The following GABRG3 variants were observed in gnomAD, a reference collection of about 807,000 sequenced individuals.
GABRG3 encodes gamma-aminobutyric acid receptor subunit gamma-3.
In GABRG3, 25 loss-of-function variants were observed where a neutral mutation model predicts 48.8. That is an observed-to-expected ratio of 0.51 (90% CI 0.37 to 0.72). The LOEUF (loss-of-function observed/expected upper bound fraction) is 0.72. Among genes scored for constraint, GABRG3 ranks in the 30% least tolerant of loss-of-function variants. The probability of loss-of-function intolerance (pLI) is 0.00; values close to 1 mark genes in which losing one functional copy is unlikely to be tolerated. For synonymous variants in GABRG3, 227 were observed against 217.6 expected (o/e 1.04, Z -0.38); for missense variants, 394 against 577.9 (o/e 0.68, Z 3.26).
At chr15:27,363,132 CA>C (rs1895077346) in intron 5 of GABRG3, 1 of 152,192 alleles carries the variant, frequency 6.6e-6, no homozygotes, top group African/African-American at 2.4e-5. Context: ...GAAGGGGACT[CA>C]ACATCCCCAC....
intron 3 of GABRG3, among the ~76,000 whole-genome samples, chr15:27,255,746 A>G (rs1024398559): frequency 2.6e-5 from 4 of 152,124 alleles, no homozygotes; most frequent in Non-Finnish European, 5.9e-5. Flanking sequence ...GGAGCAGGGG[A>G]TGATACATCT....
At chr15:27,403,933 A>AAC (rs1887554174) in intron 5 of GABRG3, among the ~76,000 whole-genome samples, 1 of 142,620 alleles carries the variant, frequency 7.0e-6, no homozygotes, top group Non-Finnish European at 1.5e-5. Context: ...AAAAAACAAA[A>AAC]AAAAAAAACC....
chr15:27,042,413 C>T (rs1027335823), intron 3 of GABRG3, among the ~76,000 whole-genome samples: 2 of 152,208 alleles, frequency 1.3e-5, no homozygotes, highest in Non-Finnish European at 2.9e-5. Context: ...CATCCTCCTC[C>T]ATCCCTCTTC....
At chr15:27,491,805 T>A (rs908206783) in intron 6 of GABRG3, among the ~76,000 whole-genome samples, 2 of 152,166 alleles carry the variant, frequency 1.3e-5, no homozygotes, top group Non-Finnish European at 2.9e-5. Context: ...ACTGAAGAAT[T>A]ACGAGGACAT....
chr15:27,518,213 A>AAAAT (rs1216293855), intron 6 of GABRG3, among the ~76,000 whole-genome samples: 1 of 150,992 alleles, frequency 6.6e-6, no homozygotes, highest in Non-Finnish European at 1.5e-5. Flanking sequence ...AAAAAAAAAA[A>AAAAT]AAAGAATTAG....
At position 27,180,100 on chromosome 15, in the gene GABRG3, T is replaced by G. The variant is rs1469755983; in HGVS notation, c.271-146709T>G. The stretch of plus-strand genomic sequence containing the variant: ...GGCCTTCCCCAGGAGACTGTGGGGC[T>G]CGTTGCACTTGTTTTACCAATCACA... On this transcript the variant is annotated intron_variant, in intron 3 of 9. Coordinates refer to ENST00000615808, the MANE Select transcript of GABRG3 (RefSeq NM_033223.5). The surrounding 1 kb of genome is among the most constrained non-coding windows in gnomAD (Gnocchi z 4.2). Among the ~76,000 whole-genome samples the G allele has an allele frequency of 2.0e-5, 3 of 152,150 alleles. No individual in the cohort carries two copies. In the East Asian group the frequency reaches 5.8e-4, roughly 29 times the overall value.
At chr15:27,026,229 A>T (rs1353062005) in intron 2 of GABRG3, among the ~76,000 whole-genome samples, 2 of 152,192 alleles carry the variant, frequency 1.3e-5, no homozygotes, top group Non-Finnish European at 2.9e-5. Flanking sequence ...ACAATAAATA[A>T]TATTTCTCAT....
chr15:27,289,178 C>A (rs1309824473), intron 3 of GABRG3, among the ~76,000 whole-genome samples: 1 of 152,040 alleles, frequency 6.6e-6, no homozygotes, highest in African/African-American at 2.4e-5. Flanking sequence ...GTTTCCTGTG[C>A]ATCTTAAATC....
intron 3 of GABRG3, among the ~76,000 whole-genome samples, chr15:27,271,182 C>T (rs1028036245): frequency 1.3e-5 from 2 of 152,176 alleles, no homozygotes; most frequent in African/African-American, 4.8e-5. Flanking sequence ...CAAGGAGTAC[C>T]CGAGAGGACA....
intron 6 of GABRG3, among the ~76,000 whole-genome samples, chr15:27,502,926 C>T (rs138257735): frequency 6.6e-6 from 1 of 152,324 alleles, no homozygotes; most frequent in African/African-American, 2.4e-5. Context: ...CCTGTTCCTG[C>T]CAGCCTCCAC....
At chr15:27,015,383 ATTTTTTT>A in intron 2 of GABRG3, among the ~76,000 whole-genome samples, 1 of 110,284 alleles carries the variant, frequency 9.1e-6, no homozygotes, top group South Asian at 3.0e-4. Flanking sequence ...TTTGTGTTTG[ATTTTTTT>A]TTTTTTTTTT....
intron 3 of GABRG3, among the ~76,000 whole-genome samples, chr15:27,189,229 A>G (rs1345613571): frequency 3.3e-5 from 5 of 151,532 alleles, no homozygotes; most frequent in Admixed American, 2.0e-4. Flanking sequence ...TTGGTTCCAT[A>G]TGAACTTTAA....
At chr15:27,177,677 T>C (rs1457096700) in intron 3 of GABRG3, among the ~76,000 whole-genome samples, 1 of 152,256 alleles carries the variant, frequency 6.6e-6, no homozygotes, top group Admixed American at 6.5e-5. Flanking sequence ...CTTGCTGTTA[T>C]AATTTTTACA....
intron 5 of GABRG3, among the ~76,000 whole-genome samples, chr15:27,475,820 G>A (rs1889924132): frequency 6.6e-6 from 1 of 152,002 alleles, no homozygotes; most frequent in African/African-American, 2.4e-5. Context: ...TGATTATGAT[G>A]GTGATGGTGA....
chr15:27,369,806 CAAAAAAAAAAAAAAAA>C (rs34901488), intron 5 of GABRG3, among the ~76,000 whole-genome samples: 4 of 30,270 alleles, frequency 1.3e-4, no homozygotes, highest in Admixed American at 7.9e-4. Flanking sequence ...GACTCCGTCT[CAAAAAAAAAAAAAAAA>C]AAAAAAAAAA....
rs112158015 is a variant in GABRG3 at position 27,187,600 on chromosome 15, T to C, written c.271-139209T>C. 1.2e-3 allele frequency among the ~76,000 whole-genome samples: 178 copies of C among 152,316 alleles called. 2 individuals are homozygous for C. The highest frequency in any genetic ancestry group is 3.8e-3 in the African/African-American group (157 of 41,582). ...GATTTCTTTCATCAACGTTTTGTTG[T>C]TCTCCTTGTAGAGCTCTATTACTTC... On this transcript the variant is annotated intron_variant, in intron 3 of 9. Coordinates refer to ENST00000615808, the MANE Select transcript of GABRG3 (RefSeq NM_033223.5).
chr15:27,322,619 A>G (rs945664028), intron 3 of GABRG3, among the ~76,000 whole-genome samples: 1 of 152,206 alleles, frequency 6.6e-6, no homozygotes, highest in Non-Finnish European at 1.5e-5. Flanking sequence ...GGGTCGTTAC[A>G]TTTAATCCAA....
At chr15:27,190,305 C>G (rs536119277) in intron 3 of GABRG3, among the ~76,000 whole-genome samples, 3 of 152,278 alleles carry the variant, frequency 2.0e-5, no homozygotes, top group African/African-American at 7.2e-5. Context: ...GGAATGGCAC[C>G]AGTTCCTCCT....
intron 7 of GABRG3, among the ~76,000 whole-genome samples, chr15:27,521,039 G>T (rs535617258): frequency 2.1e-3 from 314 of 152,036 alleles, no homozygotes; most frequent in Middle Eastern, 3.4e-3. Context: ...CACAGATTTC[G>T]TGACTAACCC....
Sources: gnomAD v4.1 joint callset for allele counts (sites outside exome capture counted in the v4.1 genomes callset) on GRCh38, gnomAD v4.1.1 for gene constraint, Gnocchi (gnomAD v3.1) non-coding constraint, MANE v1.5 for transcripts, NCBI Gene and HGNC (gene_info 2026-07-23, HGNC 2026-07-21) for gene names.